CLSTN2: variants seen among roughly 807,000 people sequenced by gnomAD.
CLSTN2 encodes the protein calsyntenin 2.
Under a neutral mutation model 101.2 loss-of-function variants are expected in CLSTN2, and 48 were observed. That is an observed-to-expected ratio of 0.47 (90% CI 0.38 to 0.60). CLSTN2 has a LOEUF of 0.60. CLSTN2 is among the 20% of genes least tolerant of loss of function. The pLI is 0.00. For missense variants in CLSTN2, 1,160 were observed against 1,238.2 expected, an observed-to-expected ratio of 0.94 and a Z score of 0.95; for synonymous variants, 481 against 463.6, an observed-to-expected ratio of 1.04 and a Z score of -0.48.
intron 2 of CLSTN2, among the ~76,000 whole-genome samples, chr3:140,312,273 C>T (rs2087176448): frequency 6.6e-6 from 1 of 152,230 alleles, no homozygotes; most frequent in Non-Finnish European, 1.5e-5. Context: ...GCGACTTCTT[C>T]CCTTTTGGCA....
chr3:140,245,790 T>C (rs1427495661), intron 2 of CLSTN2, among the ~76,000 whole-genome samples: 1 of 152,196 alleles, frequency 6.6e-6, no homozygotes, highest in Non-Finnish European at 1.5e-5. Flanking sequence ...TTCAGAAAGG[T>C]GCCAGTCTTC....
rs181162203 is a variant in CLSTN2, at chr3:140,326,826, A to G, written c.233-76803A>G. On this transcript the variant is annotated intron_variant, in intron 2 of 16. Transcript: ENST00000458420. ...ACTGACCTGTGTAATTCGGTGTGAC[A>G]TTTTCCAAAAGTGCCCTCTATAACT... Among the ~76,000 whole-genome samples the G allele has an allele frequency of 2.0e-4, 31 of 152,274 alleles. 1 individual carries two copies. The highest frequency in any genetic ancestry group is 1.4e-3 in the Admixed American group (22 of 15,288).
chr3:140,272,666 C>T (rs1018965233), intron 2 of CLSTN2, among the ~76,000 whole-genome samples: 4 of 152,144 alleles, frequency 2.6e-5, no homozygotes, highest in African/African-American at 9.7e-5. Context: ...GCAGGAGAAT[C>T]ACTTGAACCC....
At chr3:140,353,053 A>G (rs1281728524) in intron 2 of CLSTN2, among the ~76,000 whole-genome samples, 3 of 152,166 alleles carry the variant, frequency 2.0e-5, no homozygotes, top group African/African-American at 7.2e-5. Flanking sequence ...TTTATATTGT[A>G]TCAGATATTA....
chr3:140,105,616 C>T (rs1230608987), intron 1 of CLSTN2, among the ~76,000 whole-genome samples: 1 of 152,204 alleles, frequency 6.6e-6, no homozygotes, highest in East Asian at 1.9e-4. Flanking sequence ...ATGCAAGGCT[C>T]CTTCCATGAT....
At chr3:140,408,750 G>T (rs867931960) in intron 4 of CLSTN2, among the ~76,000 whole-genome samples, 1 of 152,164 alleles carries the variant, frequency 6.6e-6, no homozygotes, top group Non-Finnish European at 1.5e-5. Context: ...GCCACTACAT[G>T]TATGCCCCAA....
At chr3:140,006,712 A>G (rs1335481881) in intron 1 of CLSTN2, among the ~76,000 whole-genome samples, 1 of 152,222 alleles carries the variant, frequency 6.6e-6, no homozygotes, top group East Asian at 1.9e-4. Flanking sequence ...CAGTTTTCCC[A>G]TTTGTCAAAT....
At chr3:140,113,458 C>T (rs2009188759) in intron 1 of CLSTN2, among the ~76,000 whole-genome samples, 1 of 152,214 alleles carries the variant, frequency 6.6e-6, no homozygotes, top group African/African-American at 2.4e-5. Context: ...TCTCACAGAG[C>T]ACTTGTCTGA....
chr3:140,286,291 G>A (rs1200977563), intron 2 of CLSTN2, among the ~76,000 whole-genome samples: 6 of 152,084 alleles, frequency 3.9e-5, no homozygotes, highest in Admixed American at 3.9e-4. Context: ...ATTGATAGGT[G>A]TGGTGTTTTC....
At chr3:140,354,395 G>A (rs143976908) in intron 2 of CLSTN2, among the ~76,000 whole-genome samples, 2 of 152,178 alleles carry the variant, frequency 1.3e-5, no homozygotes, top group African/African-American at 4.8e-5. Context: ...TTCATTGTCA[G>A]TTGGTGATAT....
At chr3:140,081,204 A>G (rs1263310743) in intron 1 of CLSTN2, among the ~76,000 whole-genome samples, 1 of 152,246 alleles carries the variant, frequency 6.6e-6, no homozygotes, top group Non-Finnish European at 1.5e-5. Context: ...GAATTTTTCA[A>G]TTTGGTTTTT....
intron 2 of CLSTN2, among the ~76,000 whole-genome samples, chr3:140,348,261 G>A (rs2087569288): frequency 6.6e-6 from 1 of 152,148 alleles, no homozygotes; most frequent in Admixed American, 6.5e-5. Flanking sequence ...GCTTGGATGA[G>A]CTGAATTCTA....
At chr3:139,946,070 C>T (rs878921997) in intron 1 of CLSTN2, among the ~76,000 whole-genome samples, 10 of 152,180 alleles carry the variant, frequency 6.6e-5, no homozygotes, top group Admixed American at 2.0e-4. Context: ...TCCCTAGACC[C>T]TTGTTAAGTA....
chr3:140,035,167 G>A (rs1313704011), intron 1 of CLSTN2, among the ~76,000 whole-genome samples: 3 of 152,206 alleles, frequency 2.0e-5, no homozygotes, highest in Non-Finnish European at 2.9e-5. Flanking sequence ...ATCCTGGCAA[G>A]CCAGATTTCC....
At chr3:140,235,346 G>C (rs1378059309) in intron 2 of CLSTN2, among the ~76,000 whole-genome samples, 2 of 152,094 alleles carry the variant, frequency 1.3e-5, no homozygotes, top group Non-Finnish European at 2.9e-5. Flanking sequence ...TTTCCACGAA[G>C]ACTTTCCAGG....
chr3:140,006,506 G>T (rs1459779206), intron 1 of CLSTN2, among the ~76,000 whole-genome samples: 1 of 152,144 alleles, frequency 6.6e-6, no homozygotes, highest in Non-Finnish European at 1.5e-5. Context: ...AGGCACCTTG[G>T]AATCCACGCT....
intron 10 of CLSTN2, 39 bp downstream of exon 10, chr3:140,546,720 A>G: frequency 6.4e-7 from 1 of 1,552,378 alleles, no homozygotes; most frequent in Middle Eastern, 2.3e-4. Flanking sequence ...TAAGACAGGG[A>G]TTCATGATGC....
chr3:140,163,567 T>C (rs1413117261), intron 1 of CLSTN2, among the ~76,000 whole-genome samples: 1 of 151,918 alleles, frequency 6.6e-6, no homozygotes, highest in Non-Finnish European at 1.5e-5. Context: ...CTATATTGTC[T>C]CTTTGTACCC....
chr3:140,082,667 C>T (rs1250596848), intron 1 of CLSTN2, among the ~76,000 whole-genome samples: 1 of 152,190 alleles, frequency 6.6e-6, no homozygotes, highest in Non-Finnish European at 1.5e-5. Flanking sequence ...AAGCCTTGCT[C>T]TGTCACCATC....
Sources: allele counts gnomAD v4.1 joint callset (sites outside exome capture counted in the v4.1 genomes callset), GRCh38; gene constraint gnomAD v4.1.1; transcripts MANE v1.5; gene names NCBI Gene and HGNC (gene_info 2026-07-23, HGNC 2026-07-21).